Variants in URI1 observed in about 807,000 individuals in gnomAD.
The protein encoded by URI1 is unconventional prefoldin RPB5 interactor 1.
A neutral mutation model predicts 60.2 loss-of-function variants in URI1; 39 were observed. The ratio of observed to expected loss-of-function variants is 0.65; its 90% confidence interval spans 0.50 to 0.85. The LOEUF (loss-of-function observed/expected upper bound fraction) is 0.85, where lower values mean the gene tolerates loss of function less well. Ranked by LOEUF, URI1 falls within the 40% of genes least tolerant of loss-of-function variation. The pLI is 0.00. For missense variants in URI1, 691 were observed against 665.9 expected (o/e 1.04, Z -0.42); for synonymous variants, 251 against 236.8 (o/e 1.06, Z -0.55).
chr19:29,988,127 C>G (rs930495039), intron 4 of URI1, among the ~76,000 whole-genome samples: 14 of 147,924 alleles, frequency 9.5e-5, no homozygotes, highest in Middle Eastern at 3.5e-3. Context: ...GAGATTGTGC[C>G]ACTGCACTCC....
chr19:30,010,856 A>G (rs960446959), intron 8 of URI1, among the ~76,000 whole-genome samples: 1 of 152,192 alleles, frequency 6.6e-6, no homozygotes, highest in African/African-American at 2.4e-5. Context: ...TTTCTCTACA[A>G]TAATAAAGAC....
At chr19:30,006,699 G>C (rs1269296172) in intron 6 of URI1, among the ~76,000 whole-genome samples, 1 of 152,088 alleles carries the variant, frequency 6.6e-6, no homozygotes, top group Non-Finnish European at 1.5e-5. Context: ...TCATCTGGTA[G>C]TGCCATATCT....
intron 1 of URI1, among the ~76,000 whole-genome samples, chr19:29,933,778 T>C (rs2054943143): frequency 6.6e-6 from 1 of 151,522 alleles, no homozygotes. Context: ...GCCGAGACTG[T>C]GCTACTGCAC....
chr19:30,012,425 G>T lies in URI1; in HGVS notation c.1319G>T (p.Ser440Ile), dbSNP rs2056033816. 1.2e-6 allele frequency: 2 copies of T among 1,614,164 alleles called. No individual in the cohort carries two copies. Among genetic ancestry groups the T allele is most frequent in the African/African-American group, 2.7e-5 (2 of 75,050 alleles). ...GATGATAGGCGGGGAGTTTTGAGGA[G>T]TATCAGCTGCGAAGAAGCCACTTGC... Reference protein sequence around the residue: ...EFDDRRGVLRSISCEEATCSD... With the variant: ...EFDDRRGVLRIISCEEATCSD... Residue 440 changes from serine to isoleucine, a missense_variant, in exon 10 of 11, where the codon AGT becomes ATT. Coordinates refer to ENST00000392271, the MANE Select transcript of URI1 (RefSeq NM_003796.3).
At chr19:30,014,763 G>A in intron 10 of URI1, 124 bp from the exon 11 acceptor site, 2 of 897,572 alleles carry the variant, frequency 2.2e-6, no homozygotes, top group Non-Finnish European at 3.4e-6. Context: ...GTGTAGTAGT[G>A]TTGTCTAGCC....
intron 1 of URI1, among the ~76,000 whole-genome samples, chr19:29,932,303 T>G (rs969532751): frequency 4.7e-5 from 7 of 149,568 alleles, no homozygotes; most frequent in Admixed American, 6.6e-5. Context: ...AGATGATGAT[T>G]ATGATGATGA....
At chr19:30,005,302 T>C in intron 4 of URI1, 59 bp from the exon 5 acceptor site, 1 of 978,628 alleles carries the variant, frequency 1.0e-6, no homozygotes, top group South Asian at 1.6e-5. Flanking sequence ...ACAGTTAAAA[T>C]ATTCCTACAG....
At chr19:29,996,789 T>C (rs2055818125) in intron 4 of URI1, among the ~76,000 whole-genome samples, 1 of 151,950 alleles carries the variant, frequency 6.6e-6, no homozygotes, top group South Asian at 2.1e-4. Context: ...CTGTTTCTAA[T>C]TTATTGAGTT....
chr19:29,987,178 A>G (rs1334924846), intron 4 of URI1, among the ~76,000 whole-genome samples: 1 of 152,226 alleles, frequency 6.6e-6, no homozygotes. Context: ...AGAGTATAAT[A>G]TCCGCCCTAC....
intron 1 of URI1, among the ~76,000 whole-genome samples, chr19:29,932,868 GTCTC>G (rs2054934612): frequency 1.3e-5 from 2 of 150,706 alleles, no homozygotes; most frequent in African/African-American, 4.9e-5. Flanking sequence ...GGCCAGGCTG[GTCTC>G]GAACTCCTGA....
intron 1 of URI1, among the ~76,000 whole-genome samples, chr19:29,949,411 T>A (rs2055148580): frequency 3.4e-5 from 5 of 147,952 alleles, no homozygotes; most frequent in Admixed American, 1.3e-4. Context: ...GAAGAGGCGC[T>A]CCCCACTTCC....
upstream of URI1, among the ~76,000 whole-genome samples, chr19:29,940,588 G>A (rs933526662): frequency 1.3e-5 from 2 of 152,096 alleles, no homozygotes; most frequent in African/African-American, 4.8e-5. Context: ...GGCAGAGGGT[G>A]CAGTGAGCCA....
intron 6 of URI1, among the ~76,000 whole-genome samples, chr19:30,007,266 A>G (rs1157879428): frequency 6.6e-6 from 1 of 151,976 alleles, no homozygotes; most frequent in Non-Finnish European, 1.5e-5. Context: ...TTCCCCAAGG[A>G]CGCCAGTGCT....
In URI1 at chr19:30,005,345, G is replaced by GT. The variant is rs1422012908; in HGVS notation, c.368-15dup. 7.0e-7 allele frequency: 1 copy of GT among 1,436,600 alleles called. No individual in the cohort carries two copies. The highest frequency in any genetic ancestry group is 1.9e-5 in the Admixed American group (1 of 53,002). The allele number at this position is 1,436,600 out of a possible 1,614,324, so 89.0% of individuals were successfully genotyped here. On this transcript the variant is annotated splice_polypyrimidine_tract_variant and intron_variant, in intron 4 of 10. Coordinates refer to ENST00000392271, the MANE Select transcript of URI1 (RefSeq NM_003796.3). ...ATATGCCATGCTTTACATAATGGTT[G>GT]TGTTCATTGTTTCAGATGTAAGAAA...
intron 1 of URI1, among the ~76,000 whole-genome samples, chr19:29,937,222 G>C (rs898065260): frequency 6.6e-6 from 1 of 152,168 alleles, no homozygotes; most frequent in African/African-American, 2.4e-5. Flanking sequence ...TTTCTATTTT[G>C]TTCCTTTTTA....
At chr19:29,938,436 C>T (rs1290661820), upstream of URI1, among the ~76,000 whole-genome samples, 1 of 152,102 alleles carries the variant, frequency 6.6e-6, no homozygotes, top group African/African-American at 2.4e-5. Context: ...GGGATCCGCC[C>T]CCAAGACCCA....
intron 2 of URI1, among the ~76,000 whole-genome samples, chr19:29,975,529 A>C (rs2055510540): frequency 8.7e-6 from 1 of 114,830 alleles, no homozygotes; most frequent in African/African-American, 3.4e-5. Context: ...TTTGAGATGG[A>C]GTCTCACTCT....
intron 3 of URI1, 109 bp from the exon 4 acceptor site, chr19:29,986,173 A>G (rs1938645993): frequency 2.7e-6 from 3 of 1,105,996 alleles, no homozygotes; most frequent in South Asian, 4.9e-5. Context: ...TTCCCAATGT[A>G]TAAATAAAAA....
At chr19:29,947,333 G>A (rs1342809708) in intron 1 of URI1, among the ~76,000 whole-genome samples, 1 of 152,198 alleles carries the variant, frequency 6.6e-6, no homozygotes, top group Non-Finnish European at 1.5e-5. Context: ...TTACAGATCC[G>A]ATCTTAGAAT....
Sources: allele counts gnomAD v4.1 joint callset (sites outside exome capture counted in the v4.1 genomes callset), GRCh38; gene constraint gnomAD v4.1.1; transcripts MANE v1.5; gene names NCBI Gene and HGNC (gene_info 2026-07-23, HGNC 2026-07-21).